HMCN2: variants seen among roughly 807,000 people sequenced by gnomAD.
HMCN2 encodes hemicentin 2, also known as hemicentin-2.
In HMCN2, 325 loss-of-function variants were observed where a neutral mutation model predicts 377.5. That is an observed-to-expected ratio of 0.86 (90% CI 0.79 to 0.94). The LOEUF is 0.94. Among genes scored for constraint, HMCN2 ranks in the 40% least tolerant of loss-of-function variants. The pLI, the probability that HMCN2 is intolerant of heterozygous loss-of-function variation, is 0.00. For synonymous variants in HMCN2, 2,007 were observed against 2,046.8 expected (o/e 0.98, Z 0.53); for missense variants, 4,543 against 4,725.3 (o/e 0.96, Z 1.13).
In HMCN2 at chr9:130,433,340, G is replaced by A. The variant is rs565424757; in HGVS notation, c.14895-8G>A. On this transcript the variant is annotated splice_region_variant and splice_polypyrimidine_tract_variant and intron_variant, in intron 97 of 97. Coordinates refer to ENST00000683500, the MANE Select transcript of HMCN2 (RefSeq NM_001291815.2). ...GTCCGCCTGTCCGTGTGTCTGTGCCGCCCGCAGGACGTGCTTCCGGCGCTG... is the reference window on the plus strand; with the variant it reads ...GTCCGCCTGTCCGTGTGTCTGTGCCACCCGCAGGACGTGCTTCCGGCGCTG... 423 of 1,436,240 alleles carry A rather than the reference G, an allele frequency of 2.9e-4. 5 individuals carry two copies. In the South Asian group the frequency reaches 4.0e-3, roughly 14 times the overall value. 89.0% of individuals were successfully genotyped at this position (1,436,240 alleles called of 1,614,324 possible).
rs573168995 is a variant in HMCN2, at chr9:130,283,955, T to C, written c.260-648T>C. Among the ~76,000 whole-genome samples, 68 of 152,212 alleles carry C rather than the reference T, an allele frequency of 4.5e-4. 1 individual carries two copies. The highest frequency in any genetic ancestry group is 3.5e-3 in the Admixed American group (54 of 15,284). On this transcript the variant is annotated intron_variant, in intron 1 of 97. Coordinates refer to ENST00000683500, the MANE Select transcript of HMCN2 (RefSeq NM_001291815.2). ...CTAGGTGTGGAATGGCTGGACCCCA[T>C]GGTAGGTGCATGTGTAACGTTTTAG...
intron 77 of HMCN2, among the ~76,000 whole-genome samples, chr9:130,402,083 A>C (rs770479819): frequency 4.6e-5 from 7 of 152,304 alleles, no homozygotes; most frequent in Non-Finnish European, 5.9e-5. Flanking sequence ...TCTCAAAACA[A>C]AATACAAAAC....
At chr9:130,269,467 G>A (rs1834294198) in intron 1 of HMCN2, among the ~76,000 whole-genome samples, 1 of 147,746 alleles carries the variant, frequency 6.8e-6, no homozygotes, top group African/African-American at 2.4e-5. Context: ...CACCGAGTGG[G>A]GGGACGACTC....
intron 82 of HMCN2, 146 bp from the exon 83 acceptor site, chr9:130,407,424 TC>T: frequency 1.6e-6 from 1 of 611,356 alleles, no homozygotes; most frequent in South Asian, 1.9e-5. Flanking sequence ...GGCCTGTGCC[TC>T]CCAGGAACGT....
intron 15 of HMCN2, among the ~76,000 whole-genome samples, chr9:130,316,716 C>T (rs1483523726): frequency 6.6e-6 from 1 of 152,192 alleles, no homozygotes; most frequent in Non-Finnish European, 1.5e-5. Flanking sequence ...TCCTGTGGAG[C>T]CACGGTGGCC....
intron 14 of HMCN2, among the ~76,000 whole-genome samples, 176 bp from the exon 15 acceptor site, chr9:130,309,736 C>T (rs1263754500): frequency 6.6e-6 from 1 of 152,100 alleles, no homozygotes; most frequent in African/African-American, 2.4e-5. Context: ...GGCCCAAGCC[C>T]CCTGCAGGAC....
chr9:130,288,253 T>C (rs1476118904), intron 4 of HMCN2, among the ~76,000 whole-genome samples: 1 of 152,154 alleles, frequency 6.6e-6, no homozygotes, highest in African/African-American at 2.4e-5. Context: ...CCTGGGCAAA[T>C]CCACTACTCC....
Position 130,404,878 on chromosome 9 carries a change from T to G in HMCN2, c.12158T>G (p.Val4053Gly). Residue 4053 changes from valine to glycine, a missense_variant, in exon 81 of 98, where the codon GTG (valine) becomes GGG (glycine). Val to Gly is a moderately radical substitution (Grantham distance 109, BLOSUM62 -3). Around this residue, in one of 5 missense-constraint regions of HMCN2, gnomAD observed 1,073 missense variants for 1,319.5 expected, o/e 0.81. Transcript: ENST00000683500. ...KTRLVVQVPP[V>G]IENGLPDLST... is the part of the protein sequence containing the mutation. ...CTCCCTCTGCCCGCAGTCCCACCAG[T>G]GATCGAGAATGGCCTCCCAGACCTG... The G allele has an allele frequency of 7.9e-7, 1 of 1,259,924 alleles. No individual in the cohort carries two copies. Among genetic ancestry groups the G allele is most frequent in the Non-Finnish European group, 1.0e-6 (1 of 972,306 alleles). The allele number at this position is 1,259,924 out of a possible 1,614,324, so 78.0% of individuals were successfully genotyped here.
intron 19 of HMCN2, among the ~76,000 whole-genome samples, chr9:130,324,146 C>A (rs1465633775): frequency 2.0e-5 from 3 of 152,244 alleles, no homozygotes; most frequent in Non-Finnish European, 4.4e-5. Flanking sequence ...TAAACTGAAA[C>A]TCTGTCCTCA....
intron 43 of HMCN2, among the ~76,000 whole-genome samples, chr9:130,366,467 A>ATTTTTTTTTTT (rs71499234): frequency 1.2e-5 from 1 of 82,976 alleles, no homozygotes; most frequent in Non-Finnish European, 2.2e-5. Flanking sequence ...CACTTCACCA[A>ATTTTTTTTTTT]TTTTTTTTTT....
intron 1 of HMCN2, among the ~76,000 whole-genome samples, chr9:130,269,124 C>T (rs1345363876): frequency 3.4e-5 from 5 of 148,242 alleles, no homozygotes; most frequent in East Asian, 1.9e-4. Flanking sequence ...CGGGGCAAAT[C>T]GTGGCGGTTC....
At position 130,348,659 on chromosome 9, in the gene HMCN2, T is replaced by C. The variant is rs547055348; in HGVS notation, c.4139T>C (p.Leu1380Pro). 1.5e-6 allele frequency: 2 copies of C among 1,301,278 alleles called. No homozygotes were observed. Among genetic ancestry groups the C allele is most frequent in the South Asian group, 1.2e-5 (1 of 80,976 alleles). 80.6% of individuals were successfully genotyped at this position (1,301,278 alleles called of 1,614,324 possible). Reference sequence around the variant, plus strand: ...TTTCCAGTCCCTGAGATCGTGTGGCTGAAGGACGCGCAGCTGGTGGGTGTC... The same window carrying C: ...TTTCCAGTCCCTGAGATCGTGTGGCCGAAGGACGCGCAGCTGGTGGGTGTC... ...NGFPVPEIVW[L>P]KDAQLIPKVG... is the part of the protein sequence containing the mutation. Residue 1380 changes from leucine to proline, a missense_variant, in exon 27 of 98, where the codon CTG becomes CCG. Physicochemically the swap from Leu to Pro is moderately conservative, Grantham distance 98 (BLOSUM62 -3). This residue lies in a region of HMCN2 where 1,032 missense variants were observed against 1,285.1 expected (regional missense o/e 0.80). Transcript: ENST00000683500.
Position 130,353,090 on chromosome 9 carries a change from G to T in HMCN2, c.4749G>T (p.Arg1583Ser). The T allele has an allele frequency of 7.7e-7, 1 of 1,304,274 alleles. No homozygotes were observed. Among genetic ancestry groups the T allele is most frequent in the South Asian group, 1.2e-5 (1 of 81,014 alleles). The allele number at this position is 1,304,274 out of a possible 1,614,324, so 80.8% of individuals were successfully genotyped here. A position where few individuals can be genotyped will look rare whatever the true frequency, so the allele number is the denominator to read the frequency against. Residue 1583 changes from arginine (R) to serine (S), a missense_variant, in exon 31 of 98, where the codon AGG (arginine) becomes AGT (serine). Arg to Ser is a moderately radical substitution (Grantham distance 110, BLOSUM62 -1). This residue lies in a region of HMCN2 where 1,032 missense variants were observed against 1,285.1 expected (regional missense o/e 0.80). Coordinates refer to ENST00000683500, the MANE Select transcript of HMCN2 (RefSeq NM_001291815.2). ...LPTSTKVVYT[R>S]GGRQLQLGRA... ...CCAGCACCAAGGTGGTCTACACTAG[G>T]GGCGGTCGGCAGTTGCAGCTGGGGA...
chr9:130,428,967 C>T lies in HMCN2; in HGVS notation c.14197+478C>T, dbSNP rs1477264624. ...ACCTCAATGGTCCTTCCTGCTCTAA[C>T]AGTCTATGGCTGTAGGACCGTGGGT... On this transcript the variant is annotated intron_variant, in intron 93 of 97. Coordinates refer to ENST00000683500, the MANE Select transcript of HMCN2 (RefSeq NM_001291815.2). The surrounding 1 kb of genome is among the most constrained non-coding windows in gnomAD (Gnocchi z 5.0). 1.3e-5 allele frequency among the ~76,000 whole-genome samples: 2 copies of T among 152,218 alleles called. No individual in the cohort carries two copies. Among genetic ancestry groups the T allele is most frequent in the Non-Finnish European group, 2.9e-5 (2 of 68,040 alleles).
chr9:130,339,821 T>C (rs908717974), intron 23 of HMCN2, among the ~76,000 whole-genome samples: 11 of 152,326 alleles, frequency 7.2e-5, no homozygotes, highest in Non-Finnish European at 1.2e-4. Context: ...TGGGTGGTTT[T>C]ATATCCAGGC....
chr9:130,429,783 C>T, intron 94 of HMCN2, 98 bp downstream of exon 94: 12 of 1,445,090 alleles, frequency 8.3e-6, no homozygotes, highest in Non-Finnish European at 1.1e-5. Context: ...CGGGGACACC[C>T]ACCCTCTGGC....
intron 1 of HMCN2, among the ~76,000 whole-genome samples, chr9:130,269,461 G>C (rs1015288621): frequency 6.8e-6 from 1 of 147,634 alleles, no homozygotes; most frequent in African/African-American, 2.4e-5. Context: ...TTAACACACC[G>C]AGTGGGGGGA....
intron 96 of HMCN2, 76 bp from the exon 97 acceptor site, chr9:130,432,353 T>C: frequency 2.8e-6 from 4 of 1,405,302 alleles, no homozygotes. Context: ...AAGGTACTTC[T>C]CCCCACGCAC....
At chr9:130,379,632 T>C (rs1841591185) in intron 54 of HMCN2, among the ~76,000 whole-genome samples, 165 bp downstream of exon 54, 1 of 152,230 alleles carries the variant, frequency 6.6e-6, no homozygotes, top group African/African-American at 2.4e-5. Context: ...GGATTGCCTT[T>C]TGCCTCTGGT....
Sources: allele counts gnomAD v4.1 joint callset (sites outside exome capture counted in the v4.1 genomes callset), GRCh38; gene constraint gnomAD v4.1.1; regional missense constraint gnomAD v4.1.1; non-coding constraint Gnocchi (gnomAD v3.1); transcripts MANE v1.5; gene names NCBI Gene and HGNC (gene_info 2026-07-23, HGNC 2026-07-21).